The following ITGA1 variants were observed in gnomAD, a reference collection of about 807,000 sequenced individuals.
The protein encoded by ITGA1 is integrin subunit alpha 1.
Under a neutral mutation model 145.9 loss-of-function variants are expected in ITGA1, and 85 were observed. The ratio of observed to expected loss-of-function variants is 0.58; its 90% CI spans 0.49 to 0.70. ITGA1 has a LOEUF of 0.70. ITGA1 is among the 30% of genes least tolerant of loss of function. The probability of loss-of-function intolerance (pLI) is 0.00; values close to 1 mark genes in which losing one functional copy is unlikely to be tolerated. For missense variants in ITGA1, 1,351 were observed against 1,418.7 expected, an observed-to-expected ratio of 0.95 and a Z score of 0.77; for synonymous variants, 520 against 495.3, an observed-to-expected ratio of 1.05 and a Z score of -0.66.
intron 13 of ITGA1, among the ~76,000 whole-genome samples, chr5:52,909,488 T>A (rs1020898422): frequency 5.9e-5 from 9 of 152,302 alleles, no homozygotes; most frequent in African/African-American, 2.2e-4. Flanking sequence ...AGATTTTGTC[T>A]TCTGTTCCTG....
chr5:52,814,263 T>A (rs1046683487), intron 1 of ITGA1, among the ~76,000 whole-genome samples: 4 of 152,112 alleles, frequency 2.6e-5, no homozygotes, highest in Non-Finnish European at 5.9e-5. Context: ...TCTTGTTCCT[T>A]AGCCTCCCAA....
chr5:52,924,228 G>A (rs569622548), intron 18 of ITGA1, among the ~76,000 whole-genome samples: 72 of 152,292 alleles, frequency 4.7e-4, no homozygotes, highest in Non-Finnish European at 1.5e-5. Context: ...CTGGAAACAG[G>A]TATTAAGTAG....
At chr5:52,924,908 C>G (rs1750781322) in intron 18 of ITGA1, among the ~76,000 whole-genome samples, 1 of 152,088 alleles carries the variant, frequency 6.6e-6, no homozygotes, top group Admixed American at 6.5e-5. Context: ...TATGATATTC[C>G]TAAGTATTTG....
At chr5:52,803,563 C>T (rs2111670800) in intron 1 of ITGA1, 1 of 152,324 alleles carries the variant, frequency 6.6e-6, no homozygotes, top group South Asian at 2.1e-4. Flanking sequence ...TTCACCTCAA[C>T]TTGAGAGCTC....
intron 14 of ITGA1, among the ~76,000 whole-genome samples, chr5:52,910,968 T>TAC (rs551602634): frequency 7.5e-6 from 1 of 133,062 alleles, no homozygotes; most frequent in African/African-American, 2.8e-5. Flanking sequence ...ACACTATATA[T>TAC]ACTATATATA....
intron 5 of ITGA1, among the ~76,000 whole-genome samples, chr5:52,865,328 A>T (rs532156132): frequency 6.6e-6 from 1 of 152,330 alleles, no homozygotes; most frequent in Non-Finnish European, 1.5e-5. Flanking sequence ...CATGCTGCTT[A>T]TATTTAAAGA....
At chr5:52,936,362 C>T (rs1750964935) in intron 23 of ITGA1, among the ~76,000 whole-genome samples, 1 of 152,106 alleles carries the variant, frequency 6.6e-6, no homozygotes, top group East Asian at 1.9e-4. Flanking sequence ...GTTTAAGGGT[C>T]CAGGTGCAGC....
chr5:52,957,693 G>GT lies in ITGA1; in HGVS notation c.*5243dup, dbSNP rs1561261196. The GT allele has an allele frequency of 6.6e-6, 1 of 152,180 alleles. No individual in the cohort carries two copies. The highest frequency in any genetic ancestry group is 2.4e-5 in the African/African-American group (1 of 41,422). The allele number at this position is 152,180 out of a possible 1,614,324, so 9.4% of individuals were successfully genotyped here. A position where few individuals can be genotyped will look rare whatever the true frequency, so the allele number is the denominator to read the frequency against. On this transcript the variant is annotated 3_prime_UTR_variant, in exon 29 of 29. Transcript: ENST00000282588. The stretch of plus-strand genomic sequence containing the variant: ...CCTCAGCAAGGCCATTCTCTGCCTT[G>GT]TGCCCATAGCAGGGCCTTGGGTGGT...
At chr5:52,811,472 G>T (rs1424253441) in intron 1 of ITGA1, among the ~76,000 whole-genome samples, 1 of 151,852 alleles carries the variant, frequency 6.6e-6, no homozygotes, top group Non-Finnish European at 1.5e-5. Context: ...AATCTTTTTT[G>T]CACCCTATTT....
intron 14 of ITGA1, among the ~76,000 whole-genome samples, chr5:52,914,825 G>A (rs920028521): frequency 6.6e-6 from 1 of 152,148 alleles, no homozygotes; most frequent in African/African-American, 2.4e-5. Flanking sequence ...AAGTCAGGAA[G>A]TACAGATATC....
intron 2 of ITGA1, among the ~76,000 whole-genome samples, chr5:52,856,420 T>C (rs1749512355): frequency 6.6e-6 from 1 of 152,162 alleles, no homozygotes; most frequent in African/African-American, 2.4e-5. Flanking sequence ...AAACTTATAT[T>C]TGTTCTATTC....
intron 1 of ITGA1, chr5:52,825,029 C>T (rs1440532226): frequency 6.6e-6 from 1 of 152,136 alleles, no homozygotes; most frequent in Non-Finnish European, 1.5e-5. Flanking sequence ...CAAGGTTGTG[C>T]AATATTGTGA....
intron 1 of ITGA1, among the ~76,000 whole-genome samples, chr5:52,821,162 C>T (rs150795870): frequency 5.3e-5 from 8 of 152,234 alleles, no homozygotes; most frequent in Admixed American, 3.3e-4. Context: ...CCAGCAAATA[C>T]GAAGACTTGG....
At chr5:52,841,974 G>C (rs555106804) in intron 1 of ITGA1, among the ~76,000 whole-genome samples, 5 of 152,214 alleles carry the variant, frequency 3.3e-5, no homozygotes, top group African/African-American at 1.2e-4. Context: ...CTTCATTATA[G>C]AGCTCATACT....
Position 52,931,919 on chromosome 5 carries a change from G to A in ITGA1, c.2772-128G>A, listed in dbSNP as rs1750898341. The A allele has an allele frequency of 5.3e-6, 3 of 561,294 alleles. No individual in the cohort carries two copies. The East Asian group carries it at 9.1e-5, about 17-fold the overall frequency. The allele number at this position is 561,294 out of a possible 1,614,324, so 34.8% of individuals were successfully genotyped here. ...CCTTCTTCACCCCAATTAAAAAAATGATTAAAAATTATACTCTTACATGCT... is the reference window on the plus strand; with the variant it reads ...CCTTCTTCACCCCAATTAAAAAAATAATTAAAAATTATACTCTTACATGCT... On this transcript the variant is annotated intron_variant, in intron 21 of 28. Coordinates refer to ENST00000282588, the MANE Select transcript of ITGA1 (RefSeq NM_181501.2).
Position 52,910,221 on chromosome 5 carries a change from G to T in ITGA1, c.1659G>T (p.Arg553=). 6.2e-7 allele frequency: 1 copy of T among 1,613,792 alleles called. No individual in the cohort carries two copies. Among genetic ancestry groups the T allele is most frequent in the Non-Finnish European group, 8.5e-7 (1 of 1,179,778 alleles). ...EPIKQTCCSS[R]QHNSCTTENK... ...TTAAGCAGACGTGCTGTTCATCTCG[G>T]CAGCACAATTCATGCACAACAGAAA... Residue 553 remains arginine, a synonymous_variant, in exon 14 of 29, where the codon CGG becomes CGT. Transcript: ENST00000282588.
At chr5:52,806,984 A>G (rs916838010) in intron 1 of ITGA1, among the ~76,000 whole-genome samples, 1 of 152,218 alleles carries the variant, frequency 6.6e-6, no homozygotes, top group South Asian at 2.1e-4. Flanking sequence ...CATTTATGAT[A>G]AATTGTGGAG....
intron 28 of ITGA1, among the ~76,000 whole-genome samples, chr5:52,950,423 G>A (rs548950075): frequency 6.6e-6 from 1 of 152,250 alleles, no homozygotes; most frequent in African/African-American, 2.4e-5. Flanking sequence ...ATTATTCCAT[G>A]TTATATTCAT....
At chr5:52,846,710 T>A (rs12110170) in intron 1 of ITGA1, among the ~76,000 whole-genome samples, 41,854 of 152,132 alleles carry the variant, frequency 0.28, 6,058 homozygotes, top group South Asian at 0.39. Context: ...TTTTTCTGCT[T>A]CCTTCATGCC....
Sources: allele counts gnomAD v4.1 joint callset (sites outside exome capture counted in the v4.1 genomes callset), GRCh38; gene constraint gnomAD v4.1.1; transcripts MANE v1.5; gene names NCBI Gene and HGNC (gene_info 2026-07-23, HGNC 2026-07-21).